Variants in RSRC1 observed in about 807,000 individuals in gnomAD.
The protein encoded by RSRC1 is arginine and serine rich coiled-coil 1, also known as serine/Arginine-related protein 53.
Under a neutral mutation model 49.1 loss-of-function variants are expected in RSRC1, and 39 were observed. That is an observed-to-expected ratio of 0.79 (90% CI 0.61 to 1.04). The LOEUF is 1.04. RSRC1 is among the 50% of genes least tolerant of loss of function. The pLI is 0.00. For synonymous variants in RSRC1, 143 were observed against 130.8 expected, an observed-to-expected ratio of 1.09 and a Z score of -0.63; for missense variants, 388 against 402.4, an observed-to-expected ratio of 0.96 and a Z score of 0.31.
At chr3:158,408,129 A>G (rs754129221) in intron 6 of RSRC1, among the ~76,000 whole-genome samples, 2 of 152,198 alleles carry the variant, frequency 1.3e-5, no homozygotes, top group Non-Finnish European at 2.9e-5. Context: ...CAAAATAGGC[A>G]TTCCACCAGA....
intron 6 of RSRC1, among the ~76,000 whole-genome samples, chr3:158,366,719 A>C (rs1731790102): frequency 6.6e-6 from 1 of 152,154 alleles, no homozygotes; most frequent in Non-Finnish European, 1.5e-5. Flanking sequence ...GATAGCATTG[A>C]ATCTATAAAT....
At chr3:158,361,893 C>T (rs1731495762) in intron 6 of RSRC1, among the ~76,000 whole-genome samples, 1 of 152,134 alleles carries the variant, frequency 6.6e-6, no homozygotes, top group South Asian at 2.1e-4. Flanking sequence ...CATTCCAGTA[C>T]CTAATGTTTC....
At chr3:158,228,325 TCTTTTTCTTGC>T (rs1340471063) in intron 4 of RSRC1, among the ~76,000 whole-genome samples, 1 of 152,000 alleles carries the variant, frequency 6.6e-6, no homozygotes, top group East Asian at 1.9e-4. Context: ...TTTCAGGCCC[TCTTTTTCTTGC>T]ATTTTAACAA....
chr3:158,277,362 A>G (rs900877569), intron 4 of RSRC1, among the ~76,000 whole-genome samples: 3 of 152,188 alleles, frequency 2.0e-5, no homozygotes, highest in Non-Finnish European at 4.4e-5. Context: ...TTTGATTGCA[A>G]TCTATGATCA....
intron 3 of RSRC1, among the ~76,000 whole-genome samples, chr3:158,161,867 A>AG (rs1428561618): frequency 1.3e-5 from 2 of 152,128 alleles, no homozygotes. Context: ...TTAAAAGGCA[A>AG]GGGGGGGCTC....
chr3:158,377,302 T>C (rs1034177405), intron 6 of RSRC1, among the ~76,000 whole-genome samples: 1 of 152,186 alleles, frequency 6.6e-6, no homozygotes, highest in African/African-American at 2.4e-5. Flanking sequence ...ATAATTGATA[T>C]TGTTTGGATG....
chr3:158,123,296 C>T (rs567341533), intron 2 of RSRC1, among the ~76,000 whole-genome samples: 4 of 151,670 alleles, frequency 2.6e-5, no homozygotes, highest in South Asian at 2.1e-4. Flanking sequence ...CGTGAGCCAC[C>T]GTGCCTGGCC....
At chr3:158,382,239 C>A (rs1273779668) in intron 6 of RSRC1, among the ~76,000 whole-genome samples, 1 of 152,120 alleles carries the variant, frequency 6.6e-6, no homozygotes, top group Non-Finnish European at 1.5e-5. Context: ...GGAGCTGTCA[C>A]CTCCTATGAT....
At chr3:158,166,920 T>G (rs1718573721) in intron 3 of RSRC1, among the ~76,000 whole-genome samples, 1 of 152,232 alleles carries the variant, frequency 6.6e-6, no homozygotes, top group African/African-American at 2.4e-5. Flanking sequence ...TTCTACAAAC[T>G]TAGATTGTAT....
chr3:158,111,482 A>G (rs1714403936), intron 1 of RSRC1, among the ~76,000 whole-genome samples: 3 of 152,224 alleles, frequency 2.0e-5, no homozygotes, highest in Admixed American at 6.5e-5. Context: ...TTCATGTTCA[A>G]ACCATTGGGG....
chr3:158,207,490 G>A (rs1163845418), intron 4 of RSRC1, among the ~76,000 whole-genome samples: 1 of 152,070 alleles, frequency 6.6e-6, no homozygotes, highest in Non-Finnish European at 1.5e-5. Context: ...GAGAGAGAGA[G>A]GAAAAAGGAT....
intron 3 of RSRC1, among the ~76,000 whole-genome samples, chr3:158,125,584 A>G (rs1715566604): frequency 6.6e-6 from 1 of 152,178 alleles, no homozygotes; most frequent in African/African-American, 2.4e-5. Context: ...TCGAAAAGAT[A>G]CTTGCTATGA....
At chr3:158,159,001 A>C (rs1718050761) in intron 3 of RSRC1, among the ~76,000 whole-genome samples, 1 of 152,030 alleles carries the variant, frequency 6.6e-6, no homozygotes, top group Non-Finnish European at 1.5e-5. Flanking sequence ...AAGCCTTTCA[A>C]GTGATGCTGT....
At chr3:158,253,801 A>G (rs1578247491) in intron 4 of RSRC1, among the ~76,000 whole-genome samples, 2 of 152,202 alleles carry the variant, frequency 1.3e-5, no homozygotes, top group Non-Finnish European at 2.9e-5. Context: ...GTTCCAGGGT[A>G]CTTGTGCAGA....
intron 3 of RSRC1, among the ~76,000 whole-genome samples, chr3:158,143,996 A>C (rs1349084562): frequency 6.6e-5 from 10 of 152,214 alleles, no homozygotes; most frequent in African/African-American, 2.4e-4. Context: ...TTGTTTTTAA[A>C]AGTACTTTTT....
chr3:158,178,361 A>G (rs1473549812), intron 3 of RSRC1, among the ~76,000 whole-genome samples: 1 of 152,052 alleles, frequency 6.6e-6, no homozygotes, highest in Non-Finnish European at 1.5e-5. Context: ...ACTGGTCTCA[A>G]TCTCTGGCCT....
chr3:158,299,954 T>G lies in RSRC1; in HGVS notation c.531+1879T>G, dbSNP rs80209509. ...TTACTTATTTTGTAAACTTTTGAAC[T>G]TTTAAATAACATTTCATCTGAAGAA... On this transcript the variant is annotated intron_variant, in intron 5 of 9. Transcript: ENST00000611884. Among the ~76,000 whole-genome samples the G allele has an allele frequency of 7.7e-3, 1,168 of 152,312 alleles. 7 individuals carry two copies. The highest frequency in any genetic ancestry group is 0.027 in the African/African-American group (1,111 of 41,584).
At chr3:158,344,504 A>G (rs1233896189) in intron 5 of RSRC1, among the ~76,000 whole-genome samples, 13 of 152,196 alleles carry the variant, frequency 8.5e-5, no homozygotes, top group African/African-American at 2.4e-5. Flanking sequence ...TGAATTCTAT[A>G]CCTTGAGATA....
chr3:158,540,834 A>C (rs1712992845), intron 8 of RSRC1, among the ~76,000 whole-genome samples: 1 of 152,180 alleles, frequency 6.6e-6, no homozygotes, highest in South Asian at 2.1e-4. Context: ...ACTGGTACCA[A>C]ATTTGCCCTC....
Sources: allele counts gnomAD v4.1 joint callset (sites outside exome capture counted in the v4.1 genomes callset), GRCh38; gene constraint gnomAD v4.1.1; transcripts MANE v1.5; gene names NCBI Gene and HGNC (gene_info 2026-07-23, HGNC 2026-07-21).